Variants in CEP128 observed in about 807,000 individuals in gnomAD.
The protein encoded by CEP128 is centrosomal protein 128.
Under a neutral mutation model 156.7 loss-of-function variants are expected in CEP128, and 132 were observed. The ratio of observed to expected loss-of-function variants is 0.84; its 90% CI spans 0.73 to 0.97. The LOEUF (loss-of-function observed/expected upper bound fraction) is 0.97, where lower values mean the gene tolerates loss of function less well. Among genes scored for constraint, CEP128 ranks in the 50% least tolerant of loss-of-function variants. The pLI is 0.00. For synonymous variants in CEP128, 469 were observed against 448.9 expected (o/e 1.04, Z -0.57); for missense variants, 1,252 against 1,281.9 (o/e 0.98, Z 0.36).
chr14:80,774,701 T>C (rs908714982), intron 16 of CEP128, among the ~76,000 whole-genome samples: 2 of 152,270 alleles, frequency 1.3e-5, no homozygotes, highest in Admixed American at 6.5e-5. Flanking sequence ...TTACCTACTA[T>C]GTGTCAGGCT....
At chr14:80,801,076 G>A (rs1339206022) in intron 13 of CEP128, among the ~76,000 whole-genome samples, 1 of 152,208 alleles carries the variant, frequency 6.6e-6, no homozygotes, top group Non-Finnish European at 1.5e-5. Flanking sequence ...AATAGCTTGA[G>A]AGGGCTAAAG....
chr14:80,652,698 G>A (rs1185981885), intron 19 of CEP128, among the ~76,000 whole-genome samples: 2 of 152,166 alleles, frequency 1.3e-5, no homozygotes, highest in Admixed American at 6.5e-5. Context: ...AACAGATGCT[G>A]GAGAGGATGT....
At chr14:80,657,213 C>G (rs774459546) in intron 19 of CEP128, among the ~76,000 whole-genome samples, 98 of 151,616 alleles carry the variant, frequency 6.5e-4, no homozygotes, top group Non-Finnish European at 1.1e-3. Flanking sequence ...GCCGAGATTA[C>G]GCCACTGCGC....
intron 19 of CEP128, among the ~76,000 whole-genome samples, chr14:80,690,237 T>C (rs555582707): frequency 3.2e-3 from 443 of 139,698 alleles, no homozygotes; most frequent in Non-Finnish European, 5.2e-3. Context: ...AGAAACCCTG[T>C]CTCTATTAAA....
intron 9 of CEP128, among the ~76,000 whole-genome samples, chr14:80,861,732 C>T (rs1327720505): frequency 6.6e-6 from 1 of 152,126 alleles, no homozygotes; most frequent in Admixed American, 6.5e-5. Flanking sequence ...ACTGTAGTAG[C>T]AAAATTTGAA....
chr14:80,509,641 T>C (rs544760472), intron 23 of CEP128, among the ~76,000 whole-genome samples: 1 of 152,334 alleles, frequency 6.6e-6, no homozygotes, highest in South Asian at 2.1e-4. Flanking sequence ...CTTTTTAACT[T>C]TATGTGATCC....
In CEP128 at chr14:80,528,423, G is replaced by C. The variant is rs1452313903; in HGVS notation, c.2959-1441C>G. Among the ~76,000 whole-genome samples the C allele has an allele frequency of 2.3e-4, 35 of 152,156 alleles. 1 individual carries two copies. Among genetic ancestry groups the C allele is most frequent in the Admixed American group, 2.2e-3 (34 of 15,282 alleles). Reference sequence around the variant, plus strand: ...CCTGCCCCAGCCTCCTGAGTATCTGGGATTACAGGCATGTGCCATCACGCC... The same window carrying C: ...CCTGCCCCAGCCTCCTGAGTATCTGCGATTACAGGCATGTGCCATCACGCC... On this transcript the variant is annotated intron_variant, in intron 22 of 24. Transcript: ENST00000555265.
intron 19 of CEP128, among the ~76,000 whole-genome samples, chr14:80,684,978 C>T (rs1212344734): frequency 6.6e-6 from 1 of 152,118 alleles, no homozygotes; most frequent in Non-Finnish European, 1.5e-5. Flanking sequence ...ATGCCAAACT[C>T]ACAGTCAACA....
rs142424010 is a variant in CEP128, at chr14:80,483,841, T to C, written c.*311-5434A>G. On this transcript the variant is annotated intron_variant and NMD_transcript_variant, in intron 14 of 14. Transcript: ENST00000554502. ...ATAATTTAACAAATAAGCTGCTTTC[T>C]AGGTACCATTAGTTATGTCTGGCGA... is the stretch of plus-strand genomic sequence containing the variant. Among the ~76,000 whole-genome samples the C allele has an allele frequency of 5.9e-5, 9 of 152,350 alleles. No homozygotes were observed. In the East Asian group the frequency reaches 1.7e-3, roughly 29 times the overall value.
intron 9 of CEP128, among the ~76,000 whole-genome samples, chr14:80,844,996 T>C (rs536169676): frequency 4.6e-5 from 7 of 152,270 alleles, no homozygotes; most frequent in African/African-American, 1.7e-4. Flanking sequence ...CTTTGCTCTG[T>C]TTCGTGGACA....
At chr14:80,566,370 GA>G (rs1167554206) in intron 20 of CEP128, among the ~76,000 whole-genome samples, 9 of 152,106 alleles carry the variant, frequency 5.9e-5, no homozygotes, top group African/African-American at 2.2e-4. Flanking sequence ...AAAAGAGCTA[GA>G]AGTCATTTTA....
chr14:80,832,495 C>T (rs1885859690), intron 12 of CEP128, among the ~76,000 whole-genome samples: 1 of 151,796 alleles, frequency 6.6e-6, no homozygotes, highest in South Asian at 2.1e-4. Flanking sequence ...CAAAATTGTA[C>T]ATATTAGAAT....
At chr14:80,751,198 T>C (rs989817533) in intron 18 of CEP128, among the ~76,000 whole-genome samples, 3 of 152,224 alleles carry the variant, frequency 2.0e-5, no homozygotes, top group African/African-American at 7.2e-5. Context: ...ATTAATATAA[T>C]ATGACCTATG....
intron 16 of CEP128, among the ~76,000 whole-genome samples, chr14:80,763,733 C>G (rs1439378732): frequency 6.6e-6 from 1 of 152,170 alleles, no homozygotes; most frequent in African/African-American, 2.4e-5. Flanking sequence ...TTATTATCAT[C>G]TTTAAACTCC....
At chr14:80,865,093 C>T (rs1202753559) in intron 8 of CEP128, among the ~76,000 whole-genome samples, 1 of 152,116 alleles carries the variant, frequency 6.6e-6, no homozygotes, top group African/African-American at 2.4e-5. Context: ...CCCAACCCTG[C>T]CCTGCCCCTA....
At chr14:80,950,934 A>G (rs1886452936) in intron 2 of CEP128, among the ~76,000 whole-genome samples, 2 of 151,686 alleles carry the variant, frequency 1.3e-5, no homozygotes, top group Admixed American at 1.3e-4. Flanking sequence ...AGCAGATTAT[A>G]AAGGAGCAAA....
chr14:80,897,513 G>A (rs1889397524), intron 7 of CEP128, among the ~76,000 whole-genome samples: 1 of 151,914 alleles, frequency 6.6e-6, no homozygotes. Context: ...ACATATCCAA[G>A]GCCAAACTCT....
At chr14:80,840,808 G>T in intron 9 of CEP128, 40 bp from the exon 10 acceptor site, 1 of 1,223,832 alleles carries the variant, frequency 8.2e-7, no homozygotes, top group Non-Finnish European at 1.2e-6. Flanking sequence ...CCCAAAATAT[G>T]TACAAAACTG....
intron 2 of CEP128, among the ~76,000 whole-genome samples, chr14:80,922,214 T>C (rs979088714): frequency 1.3e-5 from 2 of 152,162 alleles, no homozygotes; most frequent in Admixed American, 6.5e-5. Flanking sequence ...ACTGTGTCCT[T>C]TTCCTCCATG....
Sources: allele counts gnomAD v4.1 joint callset (sites outside exome capture counted in the v4.1 genomes callset), GRCh38; gene constraint gnomAD v4.1.1; transcripts MANE v1.5; gene names NCBI Gene and HGNC (gene_info 2026-07-23, HGNC 2026-07-21).